Variants in IKZF3 observed in about 807,000 individuals in gnomAD.
The protein encoded by IKZF3 is IKAROS family zinc finger 3.
In IKZF3, 10 loss-of-function variants were observed where a neutral mutation model predicts 49.0. The ratio of observed to expected loss-of-function variants is 0.20; its 90% confidence interval spans 0.13 to 0.35. The LOEUF (loss-of-function observed/expected upper bound fraction) is 0.35. Among genes scored for constraint, IKZF3 ranks in the 10% least tolerant of loss-of-function variants. The probability of loss-of-function intolerance (pLI) is 1.00; values close to 1 mark genes in which losing one functional copy is unlikely to be tolerated. For synonymous variants in IKZF3, 209 were observed against 228.2 expected (o/e 0.92, Z 0.76); for missense variants, 498 against 664.8 (o/e 0.75, Z 2.76).
At chr17:39,852,598 G>C (rs987262704) in intron 1 of IKZF3, among the ~76,000 whole-genome samples, 1 of 152,016 alleles carries the variant, frequency 6.6e-6, no homozygotes, top group Non-Finnish European at 1.5e-5. Flanking sequence ...ACCAAATGAG[G>C]TATGTCTCCA....
chr17:39,814,317 T>C (rs1445321271), intron 3 of IKZF3, among the ~76,000 whole-genome samples: 2 of 152,064 alleles, frequency 1.3e-5, no homozygotes, highest in East Asian at 1.9e-4. Context: ...GCAAGACCCA[T>C]AGCTTGTACA....
At chr17:39,864,073 T>G (rs748692220) in intron 1 of IKZF3, 47 bp downstream of exon 1, 15 of 1,611,880 alleles carry the variant, frequency 9.3e-6, no homozygotes, top group Admixed American at 6.7e-5. Flanking sequence ...TTGCACAGGT[T>G]AAGTTTCTCA....
chr17:39,782,904 C>T (rs377171215), intron 6 of IKZF3, among the ~76,000 whole-genome samples: 3 of 152,076 alleles, frequency 2.0e-5, no homozygotes, highest in Admixed American at 1.3e-4. Flanking sequence ...ATTTTAAAGA[C>T]GTGCTGAAAA....
rs561511582 is a variant in IKZF3 at position 39,837,078 on chromosome 17, C to A, written c.8-4927G>T. Among the ~76,000 whole-genome samples, 13 of 151,848 alleles carry A rather than the reference C, an allele frequency of 8.6e-5. No homozygotes were observed. In the South Asian group the frequency reaches 2.3e-3, roughly 27 times the overall value. On this transcript the variant is annotated intron_variant, in intron 1 of 7. Coordinates refer to ENST00000346872, the MANE Select transcript of IKZF3 (RefSeq NM_012481.5). ...TCCCAAGTAACTAGGACTACAGAAGCACCACCATGCCTGGCTAATTTAAAA... is the reference window on the plus strand; with the variant it reads ...TCCCAAGTAACTAGGACTACAGAAGAACCACCATGCCTGGCTAATTTAAAA...
At chr17:39,844,562 C>G (rs1403002642) in intron 1 of IKZF3, among the ~76,000 whole-genome samples, 1 of 152,162 alleles carries the variant, frequency 6.6e-6, no homozygotes, top group African/African-American at 2.4e-5. Flanking sequence ...CTCTTACCTG[C>G]TTTATTTTTC....
chr17:39,832,892 T>C (rs1041759460), intron 1 of IKZF3, among the ~76,000 whole-genome samples: 2 of 152,140 alleles, frequency 1.3e-5, no homozygotes, highest in Admixed American at 1.3e-4. Context: ...TTCCAACACA[T>C]AGAAATGATA....
At chr17:39,850,639 A>ATT in intron 1 of IKZF3, among the ~76,000 whole-genome samples, 1 of 135,532 alleles carries the variant, frequency 7.4e-6, no homozygotes, top group African/African-American at 2.7e-5. Context: ...TATATAGCAT[A>ATT]AATAACATAT....
intron 6 of IKZF3, among the ~76,000 whole-genome samples, chr17:39,787,385 C>T (rs2060898104): frequency 6.6e-6 from 1 of 152,176 alleles, no homozygotes. Flanking sequence ...CAAGGAATCC[C>T]CAAAGCCAAA....
At chr17:39,859,216 G>A in intron 1 of IKZF3, among the ~76,000 whole-genome samples, 1 of 151,064 alleles carries the variant, frequency 6.6e-6, no homozygotes, top group East Asian at 1.9e-4. Flanking sequence ...GAATCACTAG[G>A]GATAAAAGTA....
chr17:39,779,150 G>C (rs970835098), intron 6 of IKZF3, among the ~76,000 whole-genome samples: 3 of 152,162 alleles, frequency 2.0e-5, no homozygotes, highest in African/African-American at 7.2e-5. Context: ...AGCAGGCAGT[G>C]CCCAAATTTA....
intron 3 of IKZF3, among the ~76,000 whole-genome samples, chr17:39,828,226 C>T (rs2144272805): frequency 6.6e-6 from 1 of 152,282 alleles, no homozygotes; most frequent in South Asian, 2.1e-4. Context: ...TGTGCCTTTA[C>T]CCCATCTGGC....
At chr17:39,811,370 AGAAGGAAG>A (rs539143313) in intron 3 of IKZF3, among the ~76,000 whole-genome samples, 1 of 150,982 alleles carries the variant, frequency 6.6e-6, no homozygotes, top group East Asian at 1.9e-4. Context: ...AGGGAAAGAA[AGAAGGAAG>A]GAAGGAAGGA....
intron 3 of IKZF3, among the ~76,000 whole-genome samples, chr17:39,820,012 A>G (rs2061766844): frequency 6.6e-6 from 1 of 152,150 alleles, no homozygotes; most frequent in Non-Finnish European, 1.5e-5. Context: ...TCATGTATAC[A>G]CACATATAAC....
chr17:39,792,958 T>G, intron 3 of IKZF3, 25 bp from the exon 4 acceptor site: 1 of 1,608,310 alleles, frequency 6.2e-7, no homozygotes, highest in Non-Finnish European at 8.5e-7. Flanking sequence ...ATGCAAGAAA[T>G]GAACAACGAC....
chr17:39,855,990 TATTG>T (rs2063032783), intron 1 of IKZF3, among the ~76,000 whole-genome samples: 1 of 151,050 alleles, frequency 6.6e-6, no homozygotes, highest in African/African-American at 2.4e-5. Context: ...ATAACATGTA[TATTG>T]TATATGTACA....
chr17:39,837,784 G>A (rs1030128171), intron 1 of IKZF3, among the ~76,000 whole-genome samples: 12 of 151,666 alleles, frequency 7.9e-5, no homozygotes, highest in African/African-American at 1.2e-4. Flanking sequence ...GACTACAGGC[G>A]CCCACCACCA....
At chr17:39,821,042 A>T (rs1319269206) in intron 3 of IKZF3, among the ~76,000 whole-genome samples, 1 of 152,074 alleles carries the variant, frequency 6.6e-6, no homozygotes, top group Non-Finnish European at 1.5e-5. Context: ...TGGTAATGAT[A>T]AGTAAAGAAA....
chr17:39,796,020 C>T (rs867584834), intron 3 of IKZF3, among the ~76,000 whole-genome samples: 42 of 151,678 alleles, frequency 2.8e-4, no homozygotes, highest in Middle Eastern at 6.8e-3. Flanking sequence ...CCAGCCTGGG[C>T]GACAGAGCGA....
At chr17:39,783,352 C>T (rs1478252853) in intron 6 of IKZF3, among the ~76,000 whole-genome samples, 3 of 152,144 alleles carry the variant, frequency 2.0e-5, no homozygotes, top group Non-Finnish European at 2.9e-5. Context: ...GATGGAGTCT[C>T]GCTCTGTTGC....
Sources: gnomAD v4.1 joint callset for allele counts (sites outside exome capture counted in the v4.1 genomes callset) on GRCh38, gnomAD v4.1.1 for gene constraint, MANE v1.5 for transcripts, NCBI Gene and HGNC (gene_info 2026-07-23, HGNC 2026-07-21) for gene names.